KDM5C: variants seen among roughly 807,000 people sequenced by gnomAD.
KDM5C encodes lysine-specific demethylase 5C.
In KDM5C, 16 loss-of-function variants were observed where a neutral mutation model predicts 110.6. That is an observed-to-expected ratio of 0.14 (90% CI 0.10 to 0.22). The LOEUF (loss-of-function observed/expected upper bound fraction) is 0.22, where lower values mean the gene tolerates loss of function less well. Ranked by LOEUF, KDM5C falls within the 10% of genes least tolerant of loss-of-function variation. The probability of loss-of-function intolerance (pLI) is 1.00; values close to 1 mark genes in which losing one functional copy is unlikely to be tolerated. For synonymous variants in KDM5C, 511 were observed against 520.4 expected, an observed-to-expected ratio of 0.98 and a Z score of 0.24; for missense variants, 681 against 1,300.9, an observed-to-expected ratio of 0.52 and a Z score of 7.33.
intron 24 of KDM5C, 68 bp downstream of exon 24, chrX:53,193,705 C>T: frequency 8.5e-7 from 1 of 1,176,260 alleles, no homozygotes; most frequent in Non-Finnish European, 1.2e-6. Flanking sequence ...TACAACAGAG[C>T]TGAGGACTAC....
intron 16 of KDM5C, 33 bp from the exon 17 acceptor site, chrX:53,198,670 C>T (rs782411966): frequency 8.3e-7 from 1 of 1,209,999 alleles, no homozygotes; most frequent in Admixed American, 2.2e-5. Context: ...AAAGAGTAGG[C>T]AGTATTGAAT....
rs2073996786 is a variant in KDM5C at position 53,224,860 on chromosome X, C to T, written c.30G>A (p.Pro10=). 8.3e-7 allele frequency: 1 copy of T among 1,207,752 alleles called. No individual in the cohort carries two copies. The highest frequency in any genetic ancestry group is 1.8e-5 in the South Asian group (1 of 56,527). MEPGSDDFL[P]PPECPVFEPS... is the part of the protein sequence containing the mutation. Reference sequence around the variant, plus strand: ...GCTCGAACACCGGGCACTCCGGTGGCGGTAGGAAATCGTCGGACCCCGGCT... The same window carrying T: ...GCTCGAACACCGGGCACTCCGGTGGTGGTAGGAAATCGTCGGACCCCGGCT... Residue 10 remains proline, a synonymous_variant, in exon 1 of 26, where the codon CCG becomes CCA. Transcript: ENST00000375401.
rs2073053370 is a variant in KDM5C at position 53,198,816 on chromosome X, G to C, written c.2316C>G (p.Thr772=). ...GGGCCACTCGCACTTTGTTGGCCCA[G>C]GTGTCAAAGGACTCAGCCCGAACCT... ...KLKVRAESFD[T]WANKVRVALE... Residue 772 remains threonine (T), a synonymous_variant, in exon 16 of 26, where the codon ACC becomes ACG. Coordinates refer to ENST00000375401, the MANE Select transcript of KDM5C (RefSeq NM_004187.5). 2 of 1,210,773 alleles carry C rather than the reference G, an allele frequency of 1.7e-6. No individual in the cohort carries two copies. Among genetic ancestry groups the C allele is most frequent in the African/African-American group, 3.5e-5 (2 of 57,372 alleles).
chrX:53,184,603 T>C (rs1444011286), intron 25 of KDM5C, among the ~76,000 whole-genome samples: 2 of 111,918 alleles, frequency 1.8e-5, no homozygotes, highest in African/African-American at 6.5e-5. Flanking sequence ...GTTCTATTAA[T>C]GTGATGTTAT....
chrX:53,183,262 C>CAAAAAAAAAA (rs3045214), intron 25 of KDM5C, among the ~76,000 whole-genome samples: 1 of 43,556 alleles, frequency 2.3e-5, no homozygotes, highest in African/African-American at 9.3e-5. Context: ...CCTGTCTCTA[C>CAAAAAAAAAA]AAAAAAAAAA....
At position 53,194,263 on chromosome X, in the gene KDM5C, A is replaced by C. The variant is rs1393926887; in HGVS notation, c.3914T>G (p.Leu1305Trp). Residue 1305 changes from leucine (L) to tryptophan (W), a missense_variant, in exon 23 of 26, where the codon TTG becomes TGG. Transcript: ENST00000375401. Reference sequence around the variant, plus strand: ...TTGGCGGAGCTCAGCCAGCCGTCCCAAAAGAGCAGTCACATCTTCAGAGGC... The same window carrying C: ...TTGGCGGAGCTCAGCCAGCCGTCCCCAAAGAGCAGTCACATCTTCAGAGGC... ...ALASEDVTAL[L>W]GRLAELRQRL... 8.3e-7 allele frequency: 1 copy of C among 1,211,014 alleles called. No homozygotes were observed. The highest frequency in any genetic ancestry group is 1.1e-6 in the Non-Finnish European group (1 of 895,329).
chrX:53,202,848 C>T (rs1050521031), intron 12 of KDM5C: 14 of 106,192 alleles, frequency 1.3e-4, no homozygotes, highest in Non-Finnish European at 2.3e-4. Context: ...GACGGAGTCT[C>T]GCTCTGCCGC....
intron 25 of KDM5C, among the ~76,000 whole-genome samples, chrX:53,178,293 G>T (rs1556824828): frequency 3.6e-5 from 4 of 112,104 alleles, no homozygotes; most frequent in Non-Finnish European, 3.8e-5. Context: ...ACTTTTAAAT[G>T]GAGAACATTT....
chrX:53,214,829 G>A lies in KDM5C; in HGVS notation c.982C>T (p.Arg328Trp), dbSNP rs377276125. 3.3e-6 allele frequency: 4 copies of A among 1,209,998 alleles called. No individual in the cohort carries two copies. Among genetic ancestry groups the A allele is most frequent in the Non-Finnish European group, 4.5e-6 (4 of 895,171 alleles). The stretch of plus-strand genomic sequence containing the variant: ...TCCTCATCCCCTCGAGAACACATCC[G>A]GCAGACATATGACTCAATCTGCCAG... ...NAQFIESYVC[R>W]MCSRGDEDDK... The change falls in exon 8 of 26, where the codon CGG (arginine) becomes TGG (tryptophan). Residue 328 changes from arginine (R) to tryptophan (W), a missense_variant. Physicochemically the swap from Arg to Trp is moderately radical, Grantham distance 101. Around this residue, in one of 14 missense-constraint regions of KDM5C, gnomAD observed 71 missense variants for 115.0 expected, o/e 0.62. Transcript: ENST00000375401.
chrX:53,215,712 C>T (rs1556851441), intron 7 of KDM5C, 83 bp downstream of exon 7: 17 of 1,046,513 alleles, frequency 1.6e-5, no homozygotes, highest in Admixed American at 1.1e-4. Flanking sequence ...GTGGTTAATG[C>T]GAACTGGTCC....
At chrX:53,223,508 G>A (rs2146971057) in intron 1 of KDM5C, among the ~76,000 whole-genome samples, 1 of 111,297 alleles carries the variant, frequency 9.0e-6, no homozygotes, top group South Asian at 3.8e-4. Flanking sequence ...TCCTCAGGTG[G>A]GAATGAAGCT....
In KDM5C at chrX:53,193,173, G is replaced by T. The variant is rs1556832386; in HGVS notation, c.4477C>A (p.Gln1493Lys). The T allele has an allele frequency of 8.3e-7, 1 of 1,210,668 alleles. No individual in the cohort carries two copies. The highest frequency in any genetic ancestry group is 1.1e-6 in the Non-Finnish European group (1 of 895,181). ...RSSGPEAEEV[Q>K]EEEELEEETG... ...TCCTCCTCCAGCTCTTCCTCCTCCTGGACCTCCTCAGCCTCTGGCCCTGAG... is the reference window on the plus strand; with the variant it reads ...TCCTCCTCCAGCTCTTCCTCCTCCTTGACCTCCTCAGCCTCTGGCCCTGAG... The change falls in exon 26 of 26, where the codon CAG (glutamine) becomes AAG (lysine). Residue 1493 changes from glutamine (Q) to lysine (K), a missense_variant. Around this residue, in one of 14 missense-constraint regions of KDM5C, gnomAD observed 115 missense variants for 120.9 expected, o/e 0.95. Coordinates refer to ENST00000375401, the MANE Select transcript of KDM5C (RefSeq NM_004187.5).
At chrX:53,218,066 A>C (rs1035914376) in intron 3 of KDM5C, 100 bp from the exon 4 acceptor site, 2 of 933,583 alleles carry the variant, frequency 2.1e-6, no homozygotes, top group East Asian at 6.5e-5. Context: ...GGGCAACTCT[A>C]GTCCCTCACT....
rs782041124 is a variant in KDM5C, at chrX:53,217,215, G to T, written c.585C>A (p.Ile195=). 2 of 1,210,963 alleles carry T rather than the reference G, an allele frequency of 1.7e-6. No individual in the cohort carries two copies. The highest frequency in any genetic ancestry group is 2.2e-6 in the Non-Finnish European group (2 of 894,976). The stretch of plus-strand genomic sequence containing the variant: ...AAGGCTGCACAGACTGTCGTAGGGG[G>T]ATGCTGTGGGGTTTGTATTCCTTGT... The part of the protein sequence containing the change: ...EKDKEYKPHS[I]PLRQSVQPSK... The change falls in exon 5 of 26, where the codon ATC becomes ATA. Residue 195 remains isoleucine (I), a synonymous_variant. Coordinates refer to ENST00000375401, the MANE Select transcript of KDM5C (RefSeq NM_004187.5).
rs1441362945 is a variant in KDM5C, at chrX:53,211,509, G to T, written c.1389C>A (p.Thr463=). 1.7e-6 allele frequency: 2 copies of T among 1,211,506 alleles called. No homozygotes were observed. Among genetic ancestry groups the T allele is most frequent in the Non-Finnish European group, 2.2e-6 (2 of 895,206 alleles). ...FPVSDSKRHL[T]PEEEEYATSG... ...ATCATCCACTCACCTCCTCTTCGGG[G>T]GTTAGGTGCCGTTTACTGTCACTGA... The change falls in exon 10 of 26, where the codon ACC becomes ACA. Residue 463 remains threonine (T), a synonymous_variant. Transcript: ENST00000375401.
chrX:53,212,260 C>A, intron 8 of KDM5C: 1 of 233,839 alleles, frequency 4.3e-6, no homozygotes, highest in Admixed American at 6.4e-5. Flanking sequence ...ATATGCTATC[C>A]TGTGTTCTTC....
intron 23 of KDM5C, 76 bp downstream of exon 23, chrX:53,194,063 G>A (rs782338879): frequency 2.7e-4 from 305 of 1,137,436 alleles, no homozygotes; most frequent in Non-Finnish European, 6.3e-5. Flanking sequence ...GAGAACAAGG[G>A]GCAGGGCCGA....
chrX:53,222,712 G>A (rs1479629759), intron 1 of KDM5C, among the ~76,000 whole-genome samples: 12 of 111,402 alleles, frequency 1.1e-4, no homozygotes, highest in Non-Finnish European at 2.3e-4. Flanking sequence ...TAAAAAAAAG[G>A]CTGGCTACCT....
Position 53,215,787 on chromosome X carries a change from G to T in KDM5C, c.963+8C>A, listed in dbSNP as rs1569278134. On this transcript the variant is annotated splice_region_variant and intron_variant, in intron 7 of 25. Coordinates refer to ENST00000375401, the MANE Select transcript of KDM5C (RefSeq NM_004187.5). Reference sequence around the variant, plus strand: ...CAGAGCATTAAGAAGTCAGGGCTGGGTCCTTACAAACTGGGCATTGCTGTG... The same window carrying T: ...CAGAGCATTAAGAAGTCAGGGCTGGTTCCTTACAAACTGGGCATTGCTGTG... 1 of 1,209,755 alleles carries T rather than the reference G, an allele frequency of 8.3e-7. No individual in the cohort carries two copies. Among genetic ancestry groups the T allele is most frequent in the Admixed American group, 2.2e-5 (1 of 46,072 alleles).
Sources: gnomAD v4.1 joint callset for allele counts (sites outside exome capture counted in the v4.1 genomes callset) on GRCh38, gnomAD v4.1.1 for gene constraint, gnomAD v4.1.1 regional missense constraint, MANE v1.5 for transcripts, NCBI Gene and HGNC (gene_info 2026-07-23, HGNC 2026-07-21) for gene names.